The following PREX1 variants were observed in gnomAD, a reference collection of about 807,000 sequenced individuals.
PREX1 encodes phosphatidylinositol 3,4,5-trisphosphate-dependent Rac exchanger 1 protein.
In PREX1, 41 loss-of-function variants were observed where a neutral mutation model predicts 198.3. That is an observed-to-expected ratio of 0.21 (90% CI 0.16 to 0.27). The LOEUF (loss-of-function observed/expected upper bound fraction) is 0.27, where lower values mean the gene tolerates loss of function less well. Ranked by LOEUF, PREX1 falls within the 10% of genes least tolerant of loss-of-function variation. The pLI, the probability that PREX1 is intolerant of heterozygous loss-of-function variation, is 1.00. For synonymous variants in PREX1, 843 were observed against 887.2 expected (o/e 0.95, Z 0.89); for missense variants, 1,620 against 2,200.7 (o/e 0.74, Z 5.28).
intron 5 of PREX1, among the ~76,000 whole-genome samples, chr20:48,713,868 A>AG (rs1357572765): frequency 6.9e-5 from 10 of 144,348 alleles, no homozygotes; most frequent in African/African-American, 2.8e-4. Context: ...AAAAAAAAAA[A>AG]AAAAAAAAGA....
chr20:48,628,055 G>A (rs932881670), intron 37 of PREX1, 92 bp from the exon 38 acceptor site: 14 of 894,120 alleles, frequency 1.6e-5, no homozygotes, highest in Admixed American at 8.7e-5. Flanking sequence ...GGTGAGAGCT[G>A]GGGCAACTTC....
intron 1 of PREX1, among the ~76,000 whole-genome samples, chr20:48,820,088 C>T (rs1288355380): frequency 6.6e-6 from 1 of 152,238 alleles, no homozygotes; most frequent in African/African-American, 2.4e-5. Flanking sequence ...CTGTCAGTTC[C>T]ATCCTGGGGA....
At chr20:48,825,462 G>A (rs975699806) in intron 1 of PREX1, among the ~76,000 whole-genome samples, 1 of 152,176 alleles carries the variant, frequency 6.6e-6, no homozygotes, top group Non-Finnish European at 1.5e-5. Context: ...CAAATGTAAA[G>A]TGTTAAGGAG....
At chr20:48,828,896 G>A (rs187747343), upstream of PREX1, among the ~76,000 whole-genome samples, 528 of 152,294 alleles carry the variant, frequency 3.5e-3, 4 homozygotes, top group African/African-American at 0.012. Flanking sequence ...ATCATCACCC[G>A]CCTTATCGGA....
At chr20:48,814,607 G>A (rs190939743) in intron 1 of PREX1, among the ~76,000 whole-genome samples, 8 of 152,328 alleles carry the variant, frequency 5.3e-5, no homozygotes, top group African/African-American at 1.7e-4. Context: ...GCGGGGAGAT[G>A]AGGTCTGCAC....
chr20:48,814,718 G>A (rs1176495371), intron 1 of PREX1, among the ~76,000 whole-genome samples: 1 of 152,202 alleles, frequency 6.6e-6, no homozygotes, highest in Non-Finnish European at 1.5e-5. Context: ...GAGGATGGGG[G>A]AGGAAGAGGA....
the PREX1 span, among the ~76,000 whole-genome samples, chr20:48,853,539 G>C: frequency 6.6e-6 from 1 of 152,112 alleles, no homozygotes; most frequent in Non-Finnish European, 1.5e-5. Context: ...ACCTCCACCT[G>C]GTCCTGCCCT....
At chr20:48,862,964 A>G in the PREX1 span, among the ~76,000 whole-genome samples, 1 of 151,354 alleles carries the variant, frequency 6.6e-6, no homozygotes, top group African/African-American at 2.4e-5. Context: ...AGCTGGGACT[A>G]TAGGCATACA....
intron 1 of PREX1, among the ~76,000 whole-genome samples, chr20:48,811,944 C>T (rs775613531): frequency 4.6e-5 from 7 of 152,198 alleles, no homozygotes; most frequent in Admixed American, 2.6e-4. Context: ...CCATCTCAAC[C>T]GCAGACCCAC....
chr20:48,636,949 TC>T (rs1568793728), intron 31 of PREX1, among the ~76,000 whole-genome samples: 1 of 152,066 alleles, frequency 6.6e-6, no homozygotes, highest in East Asian at 1.9e-4. Context: ...CAAACAAACA[TC>T]TTGTGATTTT....
At chr20:48,849,910 T>C in the PREX1 span, among the ~76,000 whole-genome samples, 111 of 152,022 alleles carry the variant, frequency 7.3e-4, 2 homozygotes, top group South Asian at 0.017. Flanking sequence ...TGTAGTGGGG[T>C]GGTTATGCTC....
intron 18 of PREX1, chr20:48,656,633 T>G (rs563055141): frequency 3.5e-4 from 154 of 442,572 alleles, no homozygotes; most frequent in Middle Eastern, 1.4e-3. Flanking sequence ...TCACCCCGAC[T>G]CGCAGTGACG....
At chr20:48,799,180 C>A (rs1465112630) in intron 1 of PREX1, among the ~76,000 whole-genome samples, 1 of 152,206 alleles carries the variant, frequency 6.6e-6, no homozygotes, top group East Asian at 1.9e-4. Flanking sequence ...CCCCACCTGG[C>A]CCTGAATAAA....
the PREX1 span, among the ~76,000 whole-genome samples, chr20:48,864,951 C>T: frequency 6.6e-6 from 1 of 152,134 alleles, no homozygotes; most frequent in Non-Finnish European, 1.5e-5. Context: ...AGCAGGCTGA[C>T]CTGACCAGGA....
At chr20:48,788,745 G>A (rs2090324183) in intron 1 of PREX1, among the ~76,000 whole-genome samples, 1 of 152,218 alleles carries the variant, frequency 6.6e-6, no homozygotes, top group Non-Finnish European at 1.5e-5. Context: ...CCTGTAAGAG[G>A]TGACTGGCTC....
chr20:48,641,570 T>C (rs1239132422), intron 29 of PREX1, among the ~76,000 whole-genome samples: 1 of 151,694 alleles, frequency 6.6e-6, no homozygotes, highest in Non-Finnish European at 1.5e-5. Flanking sequence ...GAGGACCACT[T>C]GAGCCCAGGA....
At chr20:48,744,564 G>A (rs955690375) in intron 3 of PREX1, among the ~76,000 whole-genome samples, 2 of 152,188 alleles carry the variant, frequency 1.3e-5, no homozygotes, top group African/African-American at 4.8e-5. Flanking sequence ...AGAGGCTATT[G>A]CAACAAGCGT....
At chr20:48,871,556 CAAAAAAAAAAAAA>C in the PREX1 span, among the ~76,000 whole-genome samples, 1 of 178 alleles carries the variant, frequency 5.6e-3, no homozygotes, top group East Asian at 0.036. Flanking sequence ...GACTCCATCT[CAAAAAAAAAAAAA>C]AAAAAAAAAA....
At chr20:48,634,256 G>A (rs896615866) in intron 33 of PREX1, among the ~76,000 whole-genome samples, 4 of 152,086 alleles carry the variant, frequency 2.6e-5, no homozygotes, top group African/African-American at 9.7e-5. Context: ...CAGAGAGAAA[G>A]ACAGAAAGAA....
Sources: allele counts gnomAD v4.1 joint callset (sites outside exome capture counted in the v4.1 genomes callset), GRCh38; gene constraint gnomAD v4.1.1; transcripts MANE v1.5; gene names NCBI Gene and HGNC (gene_info 2026-07-23, HGNC 2026-07-21).